LPIN1: variants seen among roughly 807,000 people sequenced by gnomAD.
LPIN1 encodes lipin 1, also known as phosphatidate phosphatase LPIN1.
In LPIN1, 71 loss-of-function variants were observed where a neutral mutation model predicts 107.5. That is an observed-to-expected ratio of 0.66 (90% CI 0.55 to 0.80). The LOEUF (loss-of-function observed/expected upper bound fraction) is 0.80, where lower values mean the gene tolerates loss of function less well. LPIN1 is among the 30% of genes least tolerant of loss of function. The pLI is 0.00. For synonymous variants in LPIN1, 445 were observed against 452.6 expected (o/e 0.98, Z 0.21); for missense variants, 1,043 against 1,160.6 (o/e 0.90, Z 1.47).
chr2:11,766,191 G>A (rs757007555), intron 2 of LPIN1, among the ~76,000 whole-genome samples: 7 of 152,366 alleles, frequency 4.6e-5, no homozygotes, highest in Middle Eastern at 3.4e-3. Flanking sequence ...CAGTGGTGAG[G>A]TGAGCATCTT....
At chr2:11,700,602 A>G (rs905794449) in intron 1 of LPIN1, among the ~76,000 whole-genome samples, 1 of 152,112 alleles carries the variant, frequency 6.6e-6, no homozygotes, top group Non-Finnish European at 1.5e-5. Context: ...ATCACAGATA[A>G]GGAAGGGTGA....
At position 11,686,257 on chromosome 2, in the gene LPIN1, C is replaced by T. The variant is rs532507678; in HGVS notation, c.81+8529C>T. 2.1e-3 allele frequency among the ~76,000 whole-genome samples: 326 copies of T among 151,890 alleles called. 1 individual carries two copies. The highest frequency in any genetic ancestry group is 3.6e-3 in the Non-Finnish European group (247 of 67,934). On this transcript the variant is annotated intron_variant, in intron 1 of 21. Transcript: ENST00000449576. ...TCAATGTGCTGAGGATCCCCGACCC[C>T]GCTTTTGGCACTTATCATGTGATCA...
rs1371309094 is a variant in LPIN1, at chr2:11,826,629, A to T, written c.*1838A>T. ...ATGCAATGAGGGTATTTTTGAGTGA[A>T]TTTTAACTGCTCTGAACTAAGTATA... On this transcript the variant is annotated 3_prime_UTR_variant, in exon 21 of 21. Transcript: ENST00000674199. 2.6e-5 allele frequency: 4 copies of T among 151,910 alleles called. No individual in the cohort carries two copies. Among genetic ancestry groups the T allele is most frequent in the African/African-American group, 4.8e-5 (2 of 41,328 alleles). 9.4% of individuals were successfully genotyped at this position (151,910 alleles called of 1,614,324 possible). A position where few individuals can be genotyped will look rare whatever the true frequency, so the allele number is the denominator to read the frequency against.
intron 12 of LPIN1, among the ~76,000 whole-genome samples, chr2:11,789,506 G>A (rs1323624080): frequency 6.6e-6 from 1 of 151,254 alleles, no homozygotes; most frequent in Non-Finnish European, 1.5e-5. Flanking sequence ...GTGTGCGCGT[G>A]TGCATGTATG....
intron 1 of LPIN1, among the ~76,000 whole-genome samples, chr2:11,758,280 A>G (rs1668983663): frequency 6.6e-6 from 1 of 151,036 alleles, no homozygotes; most frequent in East Asian, 1.9e-4. Context: ...TTTGATATAT[A>G]CCCGGGACTG....
chr2:11,696,250 T>C (rs1266994137), intron 1 of LPIN1, among the ~76,000 whole-genome samples: 1 of 151,538 alleles, frequency 6.6e-6, no homozygotes, highest in East Asian at 2.0e-4. Context: ...TTCTCATTGT[T>C]CAATTCCCAC....
chr2:11,738,858 T>G (rs1055920104), intron 1 of LPIN1, among the ~76,000 whole-genome samples: 8 of 152,108 alleles, frequency 5.3e-5, no homozygotes, highest in African/African-American at 1.9e-4. Context: ...GGTCTGCACA[T>G]GAATGTGAGG....
chr2:11,787,303 C>A, intron 11 of LPIN1, 136 bp downstream of exon 11: 1 of 692,082 alleles, frequency 1.4e-6, no homozygotes, highest in Non-Finnish European at 2.6e-6. Context: ...GCATTATCTT[C>A]ACTGTGGTCA....
chr2:11,706,938 A>G (rs1663157079), intron 1 of LPIN1, among the ~76,000 whole-genome samples: 1 of 152,170 alleles, frequency 6.6e-6, no homozygotes. Flanking sequence ...CAAAATATCA[A>G]AAGGGCCAAA....
At chr2:11,806,412 T>C (rs921472489) in intron 17 of LPIN1, among the ~76,000 whole-genome samples, 1 of 152,148 alleles carries the variant, frequency 6.6e-6, no homozygotes, top group African/African-American at 2.4e-5. Flanking sequence ...AATGGCGGCT[T>C]GGAGAGAGAA....
chr2:11,693,947 G>A (rs1324285484), intron 1 of LPIN1, among the ~76,000 whole-genome samples: 5 of 142,726 alleles, frequency 3.5e-5, no homozygotes, highest in African/African-American at 1.3e-4. Flanking sequence ...TGATTCTCCT[G>A]CCTCAGCCTC....
At chr2:11,795,385 C>T in intron 13 of LPIN1, 23 bp from the exon 14 acceptor site, 1 of 1,604,306 alleles carries the variant, frequency 6.2e-7, no homozygotes, top group Non-Finnish European at 8.5e-7. Flanking sequence ...ACTTCTGTGA[C>T]TCTTTCTTTT....
intron 1 of LPIN1, among the ~76,000 whole-genome samples, chr2:11,753,728 C>A (rs925208292): frequency 6.6e-6 from 1 of 152,246 alleles, no homozygotes; most frequent in African/African-American, 2.4e-5. Flanking sequence ...TCTGAAAAGA[C>A]TTCCTCTTTG....
chr2:11,764,455 G>T (rs1369476041), intron 1 of LPIN1, among the ~76,000 whole-genome samples: 1 of 152,186 alleles, frequency 6.6e-6, no homozygotes, highest in Admixed American at 6.5e-5. Context: ...CTAGTTCCTT[G>T]TATATTACCT....
intron 1 of LPIN1, among the ~76,000 whole-genome samples, chr2:11,701,701 G>A (rs972127662): frequency 6.6e-6 from 1 of 152,186 alleles, no homozygotes; most frequent in Non-Finnish European, 1.5e-5. Flanking sequence ...AAAATGTGAA[G>A]CAAAGAAAAG....
At chr2:11,744,443 C>T (rs1338459523), upstream of LPIN1, among the ~76,000 whole-genome samples, 1 of 152,072 alleles carries the variant, frequency 6.6e-6, no homozygotes, top group Non-Finnish European at 1.5e-5. Flanking sequence ...ACAAAAGGCT[C>T]CCCCCAACCC....
intron 1 of LPIN1, among the ~76,000 whole-genome samples, chr2:11,686,713 G>A (rs529079610): frequency 3.9e-5 from 6 of 152,244 alleles, no homozygotes; most frequent in African/African-American, 1.4e-4. Context: ...GGGGTCTGAC[G>A]CTCACCTTCT....
intron 14 of LPIN1, among the ~76,000 whole-genome samples, chr2:11,798,814 A>G (rs560840541): frequency 5.3e-5 from 8 of 151,988 alleles, no homozygotes; most frequent in Non-Finnish European, 1.0e-4. Flanking sequence ...TTCCTAATTG[A>G]CAGACGTGAT....
intron 17 of LPIN1, among the ~76,000 whole-genome samples, chr2:11,810,426 A>G (rs934618271): frequency 3.3e-5 from 5 of 152,170 alleles, no homozygotes; most frequent in Non-Finnish European, 2.9e-5. Flanking sequence ...GGGTGGGCTC[A>G]CTGAAAGGGA....
Sources: allele counts gnomAD v4.1 joint callset (sites outside exome capture counted in the v4.1 genomes callset), GRCh38; gene constraint gnomAD v4.1.1; transcripts MANE v1.5; gene names NCBI Gene and HGNC (gene_info 2026-07-23, HGNC 2026-07-21).